The following CPA6 variants were observed in gnomAD, a reference collection of about 807,000 sequenced individuals.
CPA6 encodes carboxypeptidase A6.
Under a neutral mutation model 63.3 loss-of-function variants are expected in CPA6, and 58 were observed. That is an observed-to-expected ratio of 0.92 (90% CI 0.74 to 1.14). The LOEUF (loss-of-function observed/expected upper bound fraction) is 1.14, where lower values mean the gene tolerates loss of function less well. Among genes scored for constraint, CPA6 ranks in the 50% most tolerant of loss-of-function variants. CPA6 has a pLI of 0.00. For synonymous variants in CPA6, 185 were observed against 179.0 expected (o/e 1.03, Z -0.27); for missense variants, 565 against 526.6 (o/e 1.07, Z -0.71).
chr8:67,539,106 A>G (rs1812651520), intron 2 of CPA6, among the ~76,000 whole-genome samples: 1 of 152,108 alleles, frequency 6.6e-6, no homozygotes, highest in Non-Finnish European at 1.5e-5. Flanking sequence ...TGGTCTTTAC[A>G]TTTTGGTATG....
At chr8:67,576,668 T>C (rs1813634264) in intron 2 of CPA6, among the ~76,000 whole-genome samples, 1 of 152,194 alleles carries the variant, frequency 6.6e-6, no homozygotes, top group Non-Finnish European at 1.5e-5. Flanking sequence ...TGAAGAACAT[T>C]CTACAGAGTG....
At chr8:67,572,144 G>T (rs772008730) in intron 2 of CPA6, among the ~76,000 whole-genome samples, 1 of 152,136 alleles carries the variant, frequency 6.6e-6, no homozygotes, top group Non-Finnish European at 1.5e-5. Flanking sequence ...TAGAAAATCT[G>T]AACAGACTGA....
At chr8:67,445,137 A>C (rs1810383051) in intron 8 of CPA6, among the ~76,000 whole-genome samples, 1 of 152,218 alleles carries the variant, frequency 6.6e-6, no homozygotes, top group Non-Finnish European at 1.5e-5. Flanking sequence ...AGTATAGACT[A>C]TCTGTTTTGG....
At chr8:67,506,406 A>T (rs1031702983) in intron 6 of CPA6, among the ~76,000 whole-genome samples, 3 of 152,228 alleles carry the variant, frequency 2.0e-5, no homozygotes, top group African/African-American at 7.2e-5. Flanking sequence ...TTGAGGAGGA[A>T]GTCAAGTGAT....
At chr8:67,616,162 A>G (rs78883049) in intron 2 of CPA6, among the ~76,000 whole-genome samples, 3,321 of 152,326 alleles carry the variant, frequency 0.022, 138 homozygotes, top group African/African-American at 0.075. Flanking sequence ...TGAGCAACTG[A>G]GTCAGAATCT....
intron 2 of CPA6, among the ~76,000 whole-genome samples, chr8:67,593,585 T>G (rs1814201166): frequency 6.6e-6 from 1 of 152,244 alleles, no homozygotes; most frequent in Non-Finnish European, 1.5e-5. Context: ...TGGGTGCATA[T>G]ATATTTAGGA....
intron 2 of CPA6, among the ~76,000 whole-genome samples, chr8:67,621,944 C>T (rs184384704): frequency 1.6e-4 from 25 of 152,308 alleles, no homozygotes; most frequent in African/African-American, 6.0e-4. Flanking sequence ...TCATCAGTGC[C>T]AGCAGCCCTA....
chr8:67,498,471 G>T (rs1282525832), intron 6 of CPA6, among the ~76,000 whole-genome samples: 1 of 148,058 alleles, frequency 6.8e-6, no homozygotes, highest in African/African-American at 2.5e-5. Flanking sequence ...GGAAGGCAGA[G>T]GTTGCAGTGA....
intron 6 of CPA6, among the ~76,000 whole-genome samples, chr8:67,491,250 G>T (rs1208536578): frequency 6.7e-6 from 1 of 149,378 alleles, no homozygotes; most frequent in Non-Finnish European, 1.5e-5. Flanking sequence ...TTTCAAAGGG[G>T]AGCTTAATCT....
chr8:67,668,126 C>G (rs188095198), intron 1 of CPA6, among the ~76,000 whole-genome samples: 106 of 152,370 alleles, frequency 7.0e-4, no homozygotes, highest in Middle Eastern at 6.8e-3. Context: ...CATCATCAAT[C>G]TGGTTAAAAA....
chr8:67,734,267 T>G (rs1381947404), intron 1 of CPA6, among the ~76,000 whole-genome samples: 1 of 150,608 alleles, frequency 6.6e-6, no homozygotes, highest in Non-Finnish European at 1.5e-5. Flanking sequence ...GGTGTGTGTG[T>G]GGGTGCTTGA....
chr8:67,646,347 A>T (rs1352535459), intron 1 of CPA6, among the ~76,000 whole-genome samples: 1 of 152,216 alleles, frequency 6.6e-6, no homozygotes, highest in East Asian at 1.9e-4. Flanking sequence ...TTTTTGAACC[A>T]AGCTTCTGCT....
intron 2 of CPA6, among the ~76,000 whole-genome samples, chr8:67,553,973 T>A (rs894813827): frequency 1.3e-5 from 2 of 152,222 alleles, no homozygotes; most frequent in Non-Finnish European, 2.9e-5. Flanking sequence ...TATATGTATA[T>A]GTGCTTACAT....
intron 2 of CPA6, among the ~76,000 whole-genome samples, chr8:67,596,199 T>C (rs1279729139): frequency 6.6e-6 from 1 of 152,238 alleles, no homozygotes; most frequent in Admixed American, 6.5e-5. Flanking sequence ...ACATTTCCTT[T>C]AGTGAGTATC....
chr8:67,550,113 G>A lies in CPA6; in HGVS notation c.193-32066C>T, dbSNP rs1373567612. ...TTACCTGGGTATATGGTGTGATGTC[G>A]AGGTTTAGGGTATGAATGATCCCAT... On this transcript the variant is annotated intron_variant, in intron 2 of 10. Transcript: ENST00000297770. 2.0e-5 allele frequency among the ~76,000 whole-genome samples: 3 copies of A among 152,052 alleles called. No individual in the cohort carries two copies. In the East Asian group the frequency reaches 5.8e-4, roughly 29 times the overall value.
chr8:67,745,958 A>C, intron 1 of CPA6, 56 bp downstream of exon 1: 1 of 1,352,598 alleles, frequency 7.4e-7, no homozygotes, highest in Non-Finnish European at 1.0e-6. Flanking sequence ...TCTGGAGCAA[A>C]CCAGCCCCCA....
chr8:67,427,387 C>T (rs1354800667), intron 10 of CPA6, among the ~76,000 whole-genome samples: 1 of 152,162 alleles, frequency 6.6e-6, no homozygotes, highest in African/African-American at 2.4e-5. Context: ...TTGGACTTCA[C>T]TCTGTTATGA....
intron 8 of CPA6, among the ~76,000 whole-genome samples, chr8:67,450,951 T>C (rs971816305): frequency 1.3e-5 from 2 of 152,236 alleles, no homozygotes; most frequent in African/African-American, 2.4e-5. Flanking sequence ...ATAGCACTTA[T>C]GTTGCACTGA....
chr8:67,496,523 A>ATATATATATGTATATATATATATATG (rs1811716634), intron 6 of CPA6, among the ~76,000 whole-genome samples: 4 of 22,974 alleles, frequency 1.7e-4, no homozygotes, highest in African/African-American at 4.1e-4. Flanking sequence ...TATAGTTTAT[A>ATATATATATGTATATATATATATATG]TATATATATA....
Sources: gnomAD v4.1 joint callset for allele counts (sites outside exome capture counted in the v4.1 genomes callset) on GRCh38, gnomAD v4.1.1 for gene constraint, MANE v1.5 for transcripts, NCBI Gene and HGNC (gene_info 2026-07-23, HGNC 2026-07-21) for gene names.